The following HS3ST4 variants were observed in gnomAD, a reference collection of about 807,000 sequenced individuals.
HS3ST4 encodes heparan sulfate-glucosamine 3-sulfotransferase 4, also known as heparan sulfate glucosamine 3-O-sulfotransferase 4.
In HS3ST4, 17 loss-of-function variants were observed where a neutral mutation model predicts 29.2. That is an observed-to-expected ratio of 0.58 (90% confidence interval 0.40 to 0.87). HS3ST4 has a LOEUF of 0.87. Ranked by LOEUF, HS3ST4 falls within the 40% of genes least tolerant of loss-of-function variation. The pLI is 0.00. For synonymous variants in HS3ST4, 314 were observed against 285.7 expected (o/e 1.10, Z -1.00); for missense variants, 627 against 634.5 (o/e 0.99, Z 0.13).
At chr16:25,872,925 A>G (rs922771624) in intron 1 of HS3ST4, among the ~76,000 whole-genome samples, 14 of 151,986 alleles carry the variant, frequency 9.2e-5, no homozygotes, top group Admixed American at 8.5e-4. Flanking sequence ...TGCCAGAAAT[A>G]TCTCCTGTGG....
intron 1 of HS3ST4, among the ~76,000 whole-genome samples, chr16:25,796,978 G>A (rs1392935182): frequency 6.6e-6 from 1 of 152,108 alleles, no homozygotes. Flanking sequence ...GGCCTCCTTC[G>A]GGTTTCAGCC....
At chr16:25,725,172 G>A (rs1417726954) in intron 1 of HS3ST4, among the ~76,000 whole-genome samples, 1 of 151,488 alleles carries the variant, frequency 6.6e-6, no homozygotes, top group Non-Finnish European at 1.5e-5. Flanking sequence ...TTCTCTAAAT[G>A]CATGGGCATG....
intron 1 of HS3ST4, among the ~76,000 whole-genome samples, chr16:26,053,093 C>T (rs1292165103): frequency 6.6e-6 from 1 of 152,228 alleles, no homozygotes; most frequent in Non-Finnish European, 1.5e-5. Context: ...GCCCTTTCCT[C>T]TCTCTAAACT....
intron 1 of HS3ST4, among the ~76,000 whole-genome samples, chr16:25,941,826 T>C (rs1968575162): frequency 6.6e-6 from 1 of 151,922 alleles, no homozygotes; most frequent in African/African-American, 2.4e-5. Context: ...TCCTCCCACC[T>C]CAGCCTCCCA....
At chr16:25,753,003 G>A (rs766494849) in intron 1 of HS3ST4, among the ~76,000 whole-genome samples, 1 of 152,152 alleles carries the variant, frequency 6.6e-6, no homozygotes. Context: ...GCATATGTTG[G>A]ACCCACAAAG....
chr16:26,037,974 G>T (rs1969598565), intron 1 of HS3ST4, among the ~76,000 whole-genome samples: 1 of 152,158 alleles, frequency 6.6e-6, no homozygotes, highest in South Asian at 2.1e-4. Context: ...CACTTGCCGG[G>T]TCAAAAGCCT....
chr16:26,026,504 A>G (rs892248450), intron 1 of HS3ST4, among the ~76,000 whole-genome samples: 1 of 152,192 alleles, frequency 6.6e-6, no homozygotes, highest in Admixed American at 6.5e-5. Flanking sequence ...TCAGTTTTCC[A>G]TGCAGGCTAG....
intron 1 of HS3ST4, among the ~76,000 whole-genome samples, chr16:26,026,710 CA>C (rs1969478755): frequency 6.6e-6 from 1 of 152,172 alleles, no homozygotes; most frequent in Non-Finnish European, 1.5e-5. Context: ...AATTTGATTA[CA>C]CGTCCAGCCC....
At chr16:25,945,238 G>A (rs1968613561) in intron 1 of HS3ST4, among the ~76,000 whole-genome samples, 1 of 152,142 alleles carries the variant, frequency 6.6e-6, no homozygotes, top group African/African-American at 2.4e-5. Flanking sequence ...TTGAGTGTGT[G>A]TACTTAAGAA....
chr16:25,935,730 C>G (rs1968511309), intron 1 of HS3ST4, among the ~76,000 whole-genome samples: 1 of 151,984 alleles, frequency 6.6e-6, no homozygotes, highest in Non-Finnish European at 1.5e-5. Flanking sequence ...TAAATGACAC[C>G]TGGTTGTTTC....
chr16:25,912,479 G>C (rs984411161), intron 1 of HS3ST4, among the ~76,000 whole-genome samples: 9 of 127,758 alleles, frequency 7.0e-5, no homozygotes, highest in Admixed American at 4.8e-4. Flanking sequence ...GTCAGCAGGA[G>C]CACTGTCCCT....
rs150297228 is a variant in HS3ST4 at position 25,922,898 on chromosome 16, G to A, written c.735-212714G>A. Among the ~76,000 whole-genome samples the A allele has an allele frequency of 3.9e-3, 589 of 152,264 alleles. 4 individuals are homozygous for A. The highest frequency in any genetic ancestry group is 0.014 in the African/African-American group (566 of 41,550). On this transcript the variant is annotated intron_variant, in intron 1 of 1. Coordinates refer to ENST00000331351, the MANE Select transcript of HS3ST4 (RefSeq NM_006040.3). ...TTGAATGCCTTTCCTTGGGCTGTGCGTCTCAGCCTGGCTCACTCAGCTTTG... is the reference window on the plus strand; with the variant it reads ...TTGAATGCCTTTCCTTGGGCTGTGCATCTCAGCCTGGCTCACTCAGCTTTG...
rs781032384 is a variant in HS3ST4 at position 25,692,889 on chromosome 16, G to C, written c.472G>C (p.Glu158Gln). ...GATCACGGCTCAGAGCGCGCTGCCG[G>C]AGAGGGAAGCGCAGGAGTCCAGCAC... Reference protein sequence around the residue: ...EMITAQSALPEREAQESSTTD... With the variant: ...EMITAQSALPQREAQESSTTD... Residue 158 changes from glutamate to glutamine, a missense_variant, in exon 1 of 2, where the codon GAG becomes CAG. Around this residue, in one of 2 missense-constraint regions of HS3ST4, gnomAD observed 402 missense variants for 340.8 expected, o/e 1.18. Transcript: ENST00000331351. The C allele has an allele frequency of 2.4e-5, 38 of 1,567,522 alleles. No individual in the cohort carries two copies. Among genetic ancestry groups the C allele is most frequent in the Non-Finnish European group, 3.3e-5 (38 of 1,157,422 alleles).
intron 1 of HS3ST4, among the ~76,000 whole-genome samples, chr16:25,873,615 TCAATCTACCCAC>T (rs1190821518): frequency 1.3e-5 from 2 of 149,852 alleles, no homozygotes; most frequent in African/African-American, 4.9e-5. Context: ...CATCCACCCA[TCAATCTACCCAC>T]CCATCCATTC....
intron 1 of HS3ST4, among the ~76,000 whole-genome samples, chr16:26,049,809 C>T (rs1158549450): frequency 1.3e-5 from 2 of 152,126 alleles, no homozygotes; most frequent in Admixed American, 6.5e-5. Flanking sequence ...GATTAATTTG[C>T]AGAAGCAGCT....
At chr16:25,999,772 T>TTA (rs1212752936) in intron 1 of HS3ST4, among the ~76,000 whole-genome samples, 3 of 134,798 alleles carry the variant, frequency 2.2e-5, no homozygotes, top group Non-Finnish European at 4.7e-5. Context: ...ATATATATAT[T>TTA]TATATATATT....
chr16:25,870,681 T>A (rs964711430), intron 1 of HS3ST4, among the ~76,000 whole-genome samples: 1 of 152,176 alleles, frequency 6.6e-6, no homozygotes, highest in Non-Finnish European at 1.5e-5. Context: ...AGATGTTACA[T>A]CATCTGACTT....
chr16:26,115,249 A>G (rs556134476), intron 1 of HS3ST4, among the ~76,000 whole-genome samples: 3 of 148,698 alleles, frequency 2.0e-5, no homozygotes, highest in Admixed American at 6.7e-5. Context: ...GTGTGTGTAT[A>G]TATATATACA....
chr16:26,009,787 G>A (rs935449879), intron 1 of HS3ST4, among the ~76,000 whole-genome samples: 1 of 152,284 alleles, frequency 6.6e-6, no homozygotes, highest in African/African-American at 2.4e-5. Flanking sequence ...ACGTGCTCTC[G>A]CCTAACCTCA....
Sources: gnomAD v4.1 joint callset for allele counts (sites outside exome capture counted in the v4.1 genomes callset) on GRCh38, gnomAD v4.1.1 for gene constraint, gnomAD v4.1.1 regional missense constraint, MANE v1.5 for transcripts, NCBI Gene and HGNC (gene_info 2026-07-23, HGNC 2026-07-21) for gene names.